The following ABCA13 variants were observed in gnomAD, a reference collection of about 807,000 sequenced individuals.
The protein encoded by ABCA13 is ATP binding cassette subfamily A member 13.
ABCA13 carries 476 observed loss-of-function variants against 478.7 expected under a neutral mutation model. The observed-to-expected ratio is 0.99, with a 90% CI of 0.92 to 1.07. The LOEUF (loss-of-function observed/expected upper bound fraction) is 1.07, where lower values mean the gene tolerates loss of function less well. Ranked by LOEUF, ABCA13 falls within the 50% of genes least tolerant of loss-of-function variation. ABCA13 has a pLI of 0.00. For synonymous variants in ABCA13, 2,252 were observed against 2,158.9 expected, an observed-to-expected ratio of 1.04 and a Z score of -1.20; for missense variants, 6,060 against 5,910.6, an observed-to-expected ratio of 1.03 and a Z score of -0.83.
chr7:48,404,071 T>C (rs1817962220), intron 39 of ABCA13, 192 bp downstream of exon 39: 2 of 650,492 alleles, frequency 3.1e-6, no homozygotes, highest in Non-Finnish European at 5.4e-6. Context: ...TAGAATTGCT[T>C]ACTTTGTGTT....
intron 55 of ABCA13, among the ~76,000 whole-genome samples, chr7:48,558,069 T>C (rs974465904): frequency 6.6e-6 from 1 of 151,128 alleles, no homozygotes; most frequent in Non-Finnish European, 1.5e-5. Flanking sequence ...TTCTGCTTGA[T>C]CAATTATACT....
At chr7:48,200,249 C>T (rs1276788211) in intron 3 of ABCA13, among the ~76,000 whole-genome samples, 1 of 151,924 alleles carries the variant, frequency 6.6e-6, no homozygotes, top group Non-Finnish European at 1.5e-5. Flanking sequence ...TGCCTGTAAT[C>T]CCAGCTATTC....
Position 48,507,896 on chromosome 7 carries a change from A to T in ABCA13, c.13371A>T (p.Gly4457=). The part of the protein sequence containing the change: ...DKILESIRQC[G]VALCIVLGFS... ...GCCTGGAGAGCATCCGTCAGTGTGG[A>T]GTGGCCCTCTGCATCGTGCTGGGAT... Residue 4457 remains glycine, a synonymous_variant, in exon 50 of 62, where the codon GGA becomes GGT. Coordinates refer to ENST00000435803, the MANE Select transcript of ABCA13 (RefSeq NM_152701.5). 1 of 1,611,554 alleles carries T rather than the reference A, an allele frequency of 6.2e-7. No individual in the cohort carries two copies.
intron 1 of ABCA13, among the ~76,000 whole-genome samples, chr7:48,180,378 C>T (rs1338423891): frequency 6.6e-6 from 1 of 152,114 alleles, no homozygotes; most frequent in East Asian, 1.9e-4. Flanking sequence ...CTCAATTATC[C>T]TAACATACTA....
intron 41 of ABCA13, among the ~76,000 whole-genome samples, chr7:48,417,775 A>G (rs987439619): frequency 2.6e-5 from 4 of 152,198 alleles, no homozygotes; most frequent in Non-Finnish European, 2.9e-5. Context: ...CTGCCATTAT[A>G]GTATGATATG....
In ABCA13 at chr7:48,219,422, A is replaced by C. The variant is rs1787009821; in HGVS notation, c.356A>C (p.Gln119Pro). ...AACCTGGCCTTTTTAAAAGAGATACAAGACCTGGCAGAGGAAATTCATGGA... is the reference window on the plus strand; with the variant it reads ...AACCTGGCCTTTTTAAAAGAGATACCAGACCTGGCAGAGGAAATTCATGGA... ...VNNLAFLKEI[Q>P]DLAEEIHGMM... Residue 119 changes from glutamine to proline, a missense_variant, in exon 4 of 62, where the codon CAA becomes CCA. Coordinates refer to ENST00000435803, the MANE Select transcript of ABCA13 (RefSeq NM_152701.5). The C allele has an allele frequency of 5.0e-6, 8 of 1,613,444 alleles. No individual in the cohort carries two copies. The East Asian group carries it at 1.6e-4, about 31-fold the overall frequency.
At chr7:48,357,634 TAA>T (rs1300576822) in intron 31 of ABCA13, among the ~76,000 whole-genome samples, 1 of 151,992 alleles carries the variant, frequency 6.6e-6, no homozygotes, top group African/African-American at 2.4e-5. Flanking sequence ...GTATCACATT[TAA>T]AAAAATCATC....
At chr7:48,174,827 T>C (rs1794624986) in intron 1 of ABCA13, among the ~76,000 whole-genome samples, 1 of 152,260 alleles carries the variant, frequency 6.6e-6, no homozygotes, top group Admixed American at 6.5e-5. Flanking sequence ...CTGTATGGTC[T>C]TCTTATTTAA....
intron 48 of ABCA13, among the ~76,000 whole-genome samples, chr7:48,489,862 T>G (rs747449463): frequency 1.1e-4 from 16 of 152,158 alleles, no homozygotes; most frequent in Non-Finnish European, 2.1e-4. Flanking sequence ...AGAGTTAACT[T>G]ACTGGTTTAA....
At position 48,212,492 on chromosome 7, in the gene ABCA13, G is replaced by T. The variant is rs80303415; in HGVS notation, c.288-6862G>T. Among the ~76,000 whole-genome samples, 803 of 152,278 alleles carry T rather than the reference G, an allele frequency of 5.3e-3. 4 individuals carry two copies. The highest frequency in any genetic ancestry group is 0.018 in the African/African-American group (761 of 41,556). ...GGGATAAATGTTTAGTGTATGTTTA[G>T]CTATATAGTGTATGTCCAGGCTGTT... On this transcript the variant is annotated intron_variant, in intron 3 of 61. Coordinates refer to ENST00000435803, the MANE Select transcript of ABCA13 (RefSeq NM_152701.5).
In ABCA13 at chr7:48,338,399, T is replaced by C. The variant is rs773687180; in HGVS notation, c.10148T>C (p.Val3383Ala). 8.7e-6 allele frequency: 14 copies of C among 1,602,998 alleles called. No homozygotes were observed. Among genetic ancestry groups the C allele is most frequent in the Non-Finnish European group, 1.1e-5 (13 of 1,174,458 alleles). Residue 3383 changes from valine (V) to alanine (A), a missense_variant, in exon 29 of 62, where the codon GTA becomes GCA. Physicochemically the swap from Val to Ala is moderately conservative, Grantham distance 64. This residue lies in a region of ABCA13 where 4,423 missense variants were observed against 4,309.1 expected (regional missense o/e 1.03). Coordinates refer to ENST00000435803, the MANE Select transcript of ABCA13 (RefSeq NM_152701.5). ...ALRNKFVRNF[V>A]ENQLHIDVDK... ...AGAAACAAATTTGTAAGAAACTTTG[T>C]AGAAAACCAGTTGCACATTGATGTA... is the stretch of plus-strand genomic sequence containing the variant.
At chr7:48,510,405 C>T (rs1448561462) in intron 50 of ABCA13, among the ~76,000 whole-genome samples, 4 of 152,094 alleles carry the variant, frequency 2.6e-5, no homozygotes, top group African/African-American at 9.7e-5. Context: ...CTATTGTTGG[C>T]CTGCAGGGAG....
At chr7:48,284,423 G>T (rs1797451442) in intron 19 of ABCA13, among the ~76,000 whole-genome samples, 1 of 152,118 alleles carries the variant, frequency 6.6e-6, no homozygotes. Context: ...AATCAGTAAA[G>T]TGTTACAATC....
rs572713243 is a variant in ABCA13 at position 48,214,878 on chromosome 7, T to C, written c.288-4476T>C. ...TGTGTTTTCACTGGAGTGGCACTTT[T>C]CATTTTCTTTAAGAACCTTTTCTTT... is the stretch of plus-strand genomic sequence containing the variant. On this transcript the variant is annotated intron_variant, in intron 3 of 61. Transcript: ENST00000435803. 2.6e-5 allele frequency among the ~76,000 whole-genome samples: 4 copies of C among 152,346 alleles called. No individual in the cohort carries two copies. In the South Asian group the frequency reaches 8.3e-4, roughly 32 times the overall value.
At position 48,427,839 on chromosome 7, in the gene ABCA13, A is replaced by G. The variant is rs781765753; in HGVS notation, c.12533A>G (p.Asn4178Ser). 1 of 1,612,334 alleles carries G rather than the reference A, an allele frequency of 6.2e-7. No homozygotes were observed. Among genetic ancestry groups the G allele is most frequent in the Non-Finnish European group, 8.5e-7 (1 of 1,179,286 alleles). Reference sequence around the variant, plus strand: ...CTGGGGACTGAGTCAGAGCTGCAGAACCACAGGCCTACAGGACATCTGTCT... The same window carrying G: ...CTGGGGACTGAGTCAGAGCTGCAGAGCCACAGGCCTACAGGACATCTGTCT... ...IALGTESELQ[N>S]HRPTGHLSGY... Residue 4178 changes from asparagine to serine, a missense_variant, in exon 42 of 62, where the codon AAC (asparagine) becomes AGC (serine). This residue lies in a region of ABCA13 where 1,627 missense variants were observed against 1,571.0 expected (regional missense o/e 1.04). Transcript: ENST00000435803.
intron 10 of ABCA13, among the ~76,000 whole-genome samples, chr7:48,241,309 G>A (rs1238612218): frequency 6.6e-6 from 1 of 152,206 alleles, no homozygotes; most frequent in Non-Finnish European, 1.5e-5. Flanking sequence ...GTTTGAGAAG[G>A]TGTCAGTTTC....
chr7:48,313,134 C>A lies in ABCA13; in HGVS notation c.9584C>A (p.Ala3195Asp). The A allele has an allele frequency of 6.2e-7, 1 of 1,613,174 alleles. No homozygotes were observed. The highest frequency in any genetic ancestry group is 8.5e-7 in the Non-Finnish European group (1 of 1,179,518). ...SLLDIVSSLS[A>D]LLAKAQHVFE... ...CTGGATATAGTTTCCAGCCTCAGCG[C>A]CTTGCTTGCCAAAGCCCAGCACGTC... is the stretch of plus-strand genomic sequence containing the variant. Residue 3195 changes from alanine to aspartate, a missense_variant, in exon 25 of 62, where the codon GCC (alanine) becomes GAC (aspartate). Transcript: ENST00000435803.
chr7:48,266,410 AT>A (rs1243042367), intron 15 of ABCA13, among the ~76,000 whole-genome samples: 1 of 151,710 alleles, frequency 6.6e-6, no homozygotes, highest in African/African-American at 2.4e-5. Context: ...AGGGTTTTTT[AT>A]TAGAAGATAT....
chr7:48,194,544 G>T (rs1246686034), intron 2 of ABCA13, among the ~76,000 whole-genome samples: 1 of 151,992 alleles, frequency 6.6e-6, no homozygotes, highest in East Asian at 1.9e-4. Flanking sequence ...TGTTTTTCTG[G>T]GTTGAAACCT....
Sources: allele counts gnomAD v4.1 joint callset (sites outside exome capture counted in the v4.1 genomes callset), GRCh38; gene constraint gnomAD v4.1.1; regional missense constraint gnomAD v4.1.1; transcripts MANE v1.5; gene names NCBI Gene and HGNC (gene_info 2026-07-23, HGNC 2026-07-21).